Variants in ADCY7 observed in about 807,000 individuals in gnomAD.
ADCY7 encodes the protein adenylate cyclase type 7.
ADCY7 carries 72 observed loss-of-function variants against 120.6 expected under a neutral mutation model. That is an observed-to-expected ratio of 0.60 (90% confidence interval 0.49 to 0.73). ADCY7 has a LOEUF of 0.73. ADCY7 is among the 30% of genes least tolerant of loss of function. The probability of loss-of-function intolerance (pLI) is 0.00; values close to 1 mark genes in which losing one functional copy is unlikely to be tolerated. For missense variants in ADCY7, 1,227 were observed against 1,486.0 expected, an observed-to-expected ratio of 0.83 and a Z score of 2.87; for synonymous variants, 661 against 628.0, an observed-to-expected ratio of 1.05 and a Z score of -0.78.
chr16:50,298,989 G>A lies in ADCY7; in HGVS notation c.1034G>A (p.Arg345Gln), dbSNP rs147644927. The A allele has an allele frequency of 5.1e-5, 82 of 1,613,068 alleles. No homozygotes were observed. The highest frequency in any genetic ancestry group is 5.2e-5 in the Non-Finnish European group (61 of 1,180,020). The stretch of plus-strand genomic sequence containing the variant: ...CCCGTGTCGCTGCCTACCCACGCCC[G>A]GAACTGCGTGAAGATGGGGCTGGAC... ...GLPVSLPTHA[R>Q]NCVKMGLDMC... The change falls in exon 8 of 26, where the codon CGG becomes CAG. Residue 345 changes from arginine to glutamine, a missense_variant. Arg to Gln is a conservative substitution (Grantham distance 43). This residue lies in a region of ADCY7 where 332 missense variants were observed against 455.8 expected (regional missense o/e 0.73). Transcript: ENST00000673801.
At chr16:50,289,591 G>A (rs1229518809) in intron 2 of ADCY7, among the ~76,000 whole-genome samples, 13 of 152,166 alleles carry the variant, frequency 8.5e-5, no homozygotes, top group African/African-American at 2.7e-4. Context: ...TCAGCCTCCC[G>A]AGTAGCTGGG....
intron 18 of ADCY7, 45 bp from the exon 19 acceptor site, chr16:50,310,642 A>T: frequency 6.2e-7 from 1 of 1,607,188 alleles, no homozygotes; most frequent in Non-Finnish European, 8.5e-7. Flanking sequence ...AGGCGAGAGT[A>T]CGTGGTGGGG....
intron 24 of ADCY7, 60 bp from the exon 25 acceptor site, chr16:50,314,954 T>C: frequency 6.2e-7 from 1 of 1,602,284 alleles, no homozygotes; most frequent in Non-Finnish European, 8.5e-7. Flanking sequence ...TGGCCTCCTC[T>C]AAGGGCAGAA....
chr16:50,308,509 C>A, intron 16 of ADCY7, 98 bp downstream of exon 16: 1 of 1,581,626 alleles, frequency 6.3e-7, no homozygotes. Flanking sequence ...TGAGCCCCTG[C>A]TCTGGTCAAG....
chr16:50,287,581 G>A (rs1470617673), intron 1 of ADCY7, among the ~76,000 whole-genome samples: 1 of 151,500 alleles, frequency 6.6e-6, no homozygotes, highest in African/African-American at 2.4e-5. Flanking sequence ...GTAGGAGGCT[G>A]AGGTGGGAGA....
chr16:50,312,895 G>GT lies in ADCY7; in HGVS notation c.2611dup (p.Tyr871LeufsTer6). 1 of 1,614,026 alleles carries GT rather than the reference G, an allele frequency of 6.2e-7. No individual in the cohort carries two copies. Among genetic ancestry groups the GT allele is most frequent in the Non-Finnish European group, 8.5e-7 (1 of 1,179,986 alleles). On this transcript the variant is annotated frameshift_variant, in exon 22 of 26. Coordinates refer to ENST00000673801, the MANE Select transcript of ADCY7 (RefSeq NM_001114.5). LOFTEE classifies it high-confidence loss of function. ...TCCGGTTTCTTCCCATCCAGGACTG[G>GT]TACCATCAGTCCTATGACTGCGTCT...
chr16:50,311,032 T>C, intron 19 of ADCY7, 152 bp downstream of exon 19: 1 of 823,460 alleles, frequency 1.2e-6, no homozygotes, highest in Non-Finnish European at 1.8e-6. Context: ...AGCCGAGGAA[T>C]TCACTGGCAG....
upstream of ADCY7, among the ~76,000 whole-genome samples, chr16:50,245,110 C>A (rs2032540862): frequency 6.6e-6 from 1 of 152,238 alleles, no homozygotes; most frequent in Non-Finnish European, 1.5e-5. Context: ...TCTCTCCCCT[C>A]TAGGGTGAGC....
At chr16:50,299,719 C>T (rs1278785861) in intron 8 of ADCY7, among the ~76,000 whole-genome samples, 1 of 152,250 alleles carries the variant, frequency 6.6e-6, no homozygotes, top group Non-Finnish European at 1.5e-5. Context: ...TGGCCTGCAC[C>T]ACTGCCTGTG....
At chr16:50,258,685 C>T (rs1220420720) in intron 1 of ADCY7, among the ~76,000 whole-genome samples, 10 of 151,662 alleles carry the variant, frequency 6.6e-5, no homozygotes, top group African/African-American at 2.4e-4. Flanking sequence ...CCTTGACCTC[C>T]AGGCTCAAGC....
rs2036636770 is a variant in ADCY7, at chr16:50,314,007, G to A, written c.2801G>A (p.Gly934Asp). Reference protein sequence around the residue: ...FSGVEKIKTIGSTYMAAAGLS... With the variant: ...FSGVEKIKTIDSTYMAAAGLS... ...GGCGTGGAGAAGATCAAGACCATCG[G>A]CAGCACGTACATGGCAGCTGCAGGG... Residue 934 changes from glycine (G) to aspartate (D), a missense_variant, in exon 23 of 26, where the codon GGC becomes GAC. Physicochemically the swap from Gly to Asp is moderately conservative, Grantham distance 94 (BLOSUM62 -1). Coordinates refer to ENST00000673801, the MANE Select transcript of ADCY7 (RefSeq NM_001114.5). 1 of 1,614,198 alleles carries A rather than the reference G, an allele frequency of 6.2e-7. No homozygotes were observed. Among genetic ancestry groups the A allele is most frequent in the Non-Finnish European group, 8.5e-7 (1 of 1,180,012 alleles).
intron 1 of ADCY7, among the ~76,000 whole-genome samples, chr16:50,260,714 T>G (rs1292503068): frequency 2.0e-5 from 3 of 152,138 alleles, no homozygotes; most frequent in Admixed American, 6.5e-5. Flanking sequence ...AAGGCAGCTT[T>G]GTCACATGCA....
intron 1 of ADCY7, among the ~76,000 whole-genome samples, chr16:50,282,350 C>T (rs2150910287): frequency 6.6e-6 from 1 of 152,348 alleles, no homozygotes; most frequent in African/African-American, 2.4e-5. Flanking sequence ...AGTATGGAGT[C>T]CCAGCCTCTT....
At chr16:50,314,155 G>T in intron 23 of ADCY7, 93 bp downstream of exon 23, 1 of 1,431,448 alleles carries the variant, frequency 7.0e-7, no homozygotes, top group East Asian at 2.3e-5. Context: ...ATCTCGTCCT[G>T]GGGGAGGGGC....
At chr16:50,310,263 C>G (rs1381095659) in intron 18 of ADCY7, among the ~76,000 whole-genome samples, 1 of 152,098 alleles carries the variant, frequency 6.6e-6, no homozygotes, top group African/African-American at 2.4e-5. Flanking sequence ...CAGGCTTGAT[C>G]CAGACTGGGA....
At chr16:50,268,187 C>T (rs1045321918) in intron 1 of ADCY7, among the ~76,000 whole-genome samples, 3 of 151,904 alleles carry the variant, frequency 2.0e-5, no homozygotes, top group Non-Finnish European at 2.9e-5. Flanking sequence ...TAACCTTTGC[C>T]TCCTGGGCTT....
intron 1 of ADCY7, among the ~76,000 whole-genome samples, chr16:50,281,231 T>A (rs1468983422): frequency 1.3e-5 from 2 of 152,200 alleles, no homozygotes; most frequent in Non-Finnish European, 2.9e-5. Context: ...GCAGACAACC[T>A]GGTTATCAGC....
intron 1 of ADCY7, among the ~76,000 whole-genome samples, chr16:50,287,506 G>A (rs923361993): frequency 6.6e-6 from 1 of 151,766 alleles, no homozygotes; most frequent in South Asian, 2.1e-4. Flanking sequence ...TGGGCAGCAG[G>A]GGGAGACGCC....
intron 18 of ADCY7, among the ~76,000 whole-genome samples, chr16:50,310,009 C>T (rs74017347): frequency 0.02 from 3,054 of 152,284 alleles, 112 homozygotes; most frequent in African/African-American, 0.07. Flanking sequence ...TAGGTGATGG[C>T]GCCAGGGCAG....
Sources: gnomAD v4.1 joint callset for allele counts (sites outside exome capture counted in the v4.1 genomes callset) on GRCh38, gnomAD v4.1.1 for gene constraint, gnomAD v4.1.1 regional missense constraint, MANE v1.5 for transcripts, NCBI Gene and HGNC (gene_info 2026-07-23, HGNC 2026-07-21) for gene names.